SMARCD3: variants seen among roughly 807,000 people sequenced by gnomAD.
SMARCD3 encodes the protein SWI/SNF related BAF chromatin remodeling complex subunit D3.
In SMARCD3, 14 loss-of-function variants were observed where a neutral mutation model predicts 58.0. The ratio of observed to expected loss-of-function variants is 0.24; its 90% CI spans 0.16 to 0.38. The LOEUF (loss-of-function observed/expected upper bound fraction) is 0.38, where lower values mean the gene tolerates loss of function less well. SMARCD3 is among the 10% of genes least tolerant of loss of function. SMARCD3 has a pLI of 1.00. For synonymous variants in SMARCD3, 253 were observed against 253.8 expected (o/e 1.00, Z 0.03); for missense variants, 408 against 636.9 (o/e 0.64, Z 3.87).
chr7:151,253,704 C>T (rs1396614000), intron 2 of SMARCD3, among the ~76,000 whole-genome samples: 1 of 152,182 alleles, frequency 6.6e-6, no homozygotes, highest in Non-Finnish European at 1.5e-5. Context: ...AGGTCACACA[C>T]CCCATAAAAA....
intron 2 of SMARCD3, among the ~76,000 whole-genome samples, chr7:151,262,365 A>G (rs1803945162): frequency 6.6e-6 from 1 of 152,164 alleles, no homozygotes. Flanking sequence ...TACAGGCGTG[A>G]GCCACCATGC....
upstream of SMARCD3, chr7:151,249,407 G>C (rs1474481803): frequency 6.6e-6 from 1 of 152,264 alleles, no homozygotes; most frequent in African/African-American, 2.4e-5. This position sits in a 1 kb window ranked among gnomAD's most constrained non-coding sequence, Gnocchi z 4.8. Flanking sequence ...GCGCGCGCCT[G>C]CGTGTGTGGC....
chr7:151,238,808 A>G lies in SMARCD3; in HGVS notation c.*295T>C, dbSNP rs1299307910. ...TTTAAATATGAAAATGTTATTAAAC[A>G]TGTCTTCTGCCAAACTGTTTTTAGG... On this transcript the variant is annotated 3_prime_UTR_variant, in exon 13 of 13. Coordinates refer to ENST00000262188, the MANE Select transcript of SMARCD3 (RefSeq NM_001003801.2). The G allele has an allele frequency of 1.9e-6, 3 of 1,539,612 alleles. No homozygotes were observed. The highest frequency in any genetic ancestry group is 2.6e-6 in the Non-Finnish European group (3 of 1,146,762).
Position 151,241,708 on chromosome 7 carries a change from A to G in SMARCD3, c.778-55T>C. The G allele has an allele frequency of 1.3e-6, 2 of 1,537,444 alleles. No individual in the cohort carries two copies. Among genetic ancestry groups the G allele is most frequent in the Non-Finnish European group, 1.8e-6 (2 of 1,122,406 alleles). The stretch of plus-strand genomic sequence containing the variant: ...CAAAGGGAGAGAAAGGAAGGAGCCC[A>G]GGGCCAGGCCATTCAGGACTAGGGG... On this transcript the variant is annotated intron_variant, in intron 7 of 12. Coordinates refer to ENST00000262188, the MANE Select transcript of SMARCD3 (RefSeq NM_001003801.2). This position sits in a 1 kb window ranked among gnomAD's most constrained non-coding sequence, Gnocchi z 5.3.
At chr7:151,256,537 C>T (rs368316828) in intron 2 of SMARCD3, among the ~76,000 whole-genome samples, 8 of 152,250 alleles carry the variant, frequency 5.3e-5, no homozygotes, top group East Asian at 1.9e-4. Flanking sequence ...CCTGCAACCA[C>T]GCACCTGAAT....
chr7:151,275,025 T>G, intron 2 of SMARCD3: 1 of 1,045,340 alleles, frequency 9.6e-7, no homozygotes, highest in Non-Finnish European at 1.5e-6. Flanking sequence ...GAGGGGGCCA[T>G]GTGGTGGGAG....
intron 2 of SMARCD3, among the ~76,000 whole-genome samples, chr7:151,273,722 G>T (rs914325696): frequency 6.6e-6 from 1 of 152,216 alleles, no homozygotes; most frequent in Non-Finnish European, 1.5e-5. Flanking sequence ...GTGTGGGGCT[G>T]GGCATGCCGC....
At chr7:151,244,125 A>G (rs1033750303) in intron 2 of SMARCD3, among the ~76,000 whole-genome samples, 3 of 152,176 alleles carry the variant, frequency 2.0e-5, no homozygotes, top group South Asian at 2.1e-4. Flanking sequence ...CTAAGCTCAG[A>G]GGGAGGGAGA....
Position 151,248,674 on chromosome 7 carries a change from A to C in SMARCD3, c.-112T>G. 6.7e-7 allele frequency: 1 copy of C among 1,486,358 alleles called. No individual in the cohort carries two copies. The highest frequency in any genetic ancestry group is 9.0e-7 in the Non-Finnish European group (1 of 1,110,630). 92.1% of individuals were successfully genotyped at this position (1,486,358 alleles called of 1,614,324 possible). A position where few individuals can be genotyped will look rare whatever the true frequency, so the allele number is the denominator to read the frequency against. ...CCTCTGAGTCCTGCTGGGCTCTCTC[A>C]CACTTCTACTCGAGCGGAGTGGGGA... On this transcript the variant is annotated 5_prime_UTR_variant, in exon 1 of 13. Coordinates refer to ENST00000262188, the MANE Select transcript of SMARCD3 (RefSeq NM_001003801.2). The surrounding 1 kb of genome is among the most constrained non-coding windows in gnomAD (Gnocchi z 6.1).
At chr7:151,258,497 A>G (rs866651908) in intron 2 of SMARCD3, among the ~76,000 whole-genome samples, 8 of 150,300 alleles carry the variant, frequency 5.3e-5, no homozygotes, top group East Asian at 2.0e-4. Context: ...TCCAGGAGGC[A>G]GAGGTTGCAG....
At chr7:151,256,453 A>G (rs4236429) in intron 2 of SMARCD3, among the ~76,000 whole-genome samples, 97,215 of 151,874 alleles carry the variant, frequency 0.64, 31,784 homozygotes, top group East Asian at 0.85. Flanking sequence ...TTACAGGCAT[A>G]AGCCACTGCA....
chr7:151,269,138 C>T (rs1584897074), intron 2 of SMARCD3, among the ~76,000 whole-genome samples: 1 of 152,062 alleles, frequency 6.6e-6, no homozygotes. Context: ...AAGGAAGAGG[C>T]CTGGGTAAGA....
intron 2 of SMARCD3, among the ~76,000 whole-genome samples, chr7:151,259,000 C>A (rs1402024806): frequency 6.6e-6 from 1 of 152,118 alleles, no homozygotes; most frequent in African/African-American, 2.4e-5. Context: ...ACCCTTCCAC[C>A]CTTCTATATC....
intron 2 of SMARCD3, among the ~76,000 whole-genome samples, chr7:151,261,779 C>T (rs998497969): frequency 6.6e-6 from 1 of 152,190 alleles, no homozygotes; most frequent in African/African-American, 2.4e-5. Context: ...AGCCCTTCAG[C>T]GGCAGGCTCA....
intron 2 of SMARCD3, among the ~76,000 whole-genome samples, chr7:151,267,866 A>G (rs1346885470): frequency 6.6e-6 from 1 of 152,164 alleles, no homozygotes; most frequent in Non-Finnish European, 1.5e-5. Context: ...AGTTCCAGCT[A>G]CTTGGGGCAC....
At chr7:151,253,268 T>A (rs2150603023), upstream of SMARCD3, among the ~76,000 whole-genome samples, 1 of 152,140 alleles carries the variant, frequency 6.6e-6, no homozygotes, top group East Asian at 1.9e-4. Flanking sequence ...CCCTCCTCTA[T>A]GGGGTCCTCA....
intron 2 of SMARCD3, among the ~76,000 whole-genome samples, chr7:151,271,643 G>A (rs1795178311): frequency 6.6e-6 from 1 of 152,056 alleles, no homozygotes; most frequent in Non-Finnish European, 1.5e-5. Flanking sequence ...CAGAAACATT[G>A]TTGTAAATAT....
At chr7:151,259,089 C>A (rs557216829) in intron 2 of SMARCD3, among the ~76,000 whole-genome samples, 2 of 152,244 alleles carry the variant, frequency 1.3e-5, no homozygotes, top group South Asian at 4.1e-4. Flanking sequence ...CAGTGGCTCA[C>A]ACTTGTAATC....
At chr7:151,256,950 C>G (rs1803720313) in intron 2 of SMARCD3, among the ~76,000 whole-genome samples, 2 of 152,290 alleles carry the variant, frequency 1.3e-5, no homozygotes, top group African/African-American at 4.8e-5. Context: ...CAATTCTCTC[C>G]CACACCATCA....
Sources: allele counts gnomAD v4.1 joint callset (sites outside exome capture counted in the v4.1 genomes callset), GRCh38; gene constraint gnomAD v4.1.1; non-coding constraint Gnocchi (gnomAD v3.1); transcripts MANE v1.5; gene names NCBI Gene and HGNC (gene_info 2026-07-23, HGNC 2026-07-21).